Variants in TPTE observed in about 807,000 individuals in gnomAD.
TPTE encodes the protein putative tyrosine-protein phosphatase TPTE.
Under a neutral mutation model 84.1 loss-of-function variants are expected in TPTE, and 59 were observed. That is an observed-to-expected ratio of 0.70 (90% CI 0.57 to 0.87). TPTE has a LOEUF of 0.87. TPTE is among the 40% of genes least tolerant of loss of function. The pLI, the probability that TPTE is intolerant of heterozygous loss-of-function variation, is 0.00. For synonymous variants in TPTE, 130 were observed against 223.5 expected, an observed-to-expected ratio of 0.58 and a Z score of 3.73; for missense variants, 382 against 659.6, an observed-to-expected ratio of 0.58 and a Z score of 4.61.
chr21:10,552,426 AAAG>A (rs377055060), intron 7 of TPTE, among the ~76,000 whole-genome samples: 1,235 of 151,808 alleles, frequency 8.1e-3, no homozygotes, highest in African/African-American at 0.028. Flanking sequence ...CAGAGAGAGA[AAAG>A]AAGATAAAAA....
intron 7 of TPTE, among the ~76,000 whole-genome samples, chr21:10,550,407 G>A (rs1382598525): frequency 1.3e-5 from 2 of 152,302 alleles, no homozygotes; most frequent in Non-Finnish European, 2.9e-5. Flanking sequence ...TATGCAAATG[G>A]AAGCCCAAAG....
chr21:10,550,669 C>G (rs553517862), intron 7 of TPTE, among the ~76,000 whole-genome samples: 2 of 152,424 alleles, frequency 1.3e-5, no homozygotes, highest in South Asian at 4.1e-4. Context: ...CCGTATCCCA[C>G]TCTCAGCATT....
intron 19 of TPTE, among the ~76,000 whole-genome samples, chr21:10,592,938 A>G (rs2075511743): frequency 6.6e-6 from 1 of 152,310 alleles, no homozygotes; most frequent in Non-Finnish European, 1.5e-5. Flanking sequence ...GCACTTTTAC[A>G]TATCTCATTT....
intron 2 of TPTE, among the ~76,000 whole-genome samples, chr21:10,526,931 A>G (rs1390008243): frequency 6.6e-6 from 1 of 152,312 alleles, no homozygotes; most frequent in Non-Finnish European, 1.5e-5. Flanking sequence ...ACATAGCCAT[A>G]TAACTTTAAA....
At chr21:10,554,183 G>GT (rs1317518690) in intron 8 of TPTE, among the ~76,000 whole-genome samples, 1 of 152,302 alleles carries the variant, frequency 6.6e-6, no homozygotes, top group Non-Finnish European at 1.5e-5. Flanking sequence ...AACATTATTT[G>GT]TAACAGTTGT....
At chr21:10,551,311 A>G (rs1207577456) in intron 7 of TPTE, among the ~76,000 whole-genome samples, 1 of 152,294 alleles carries the variant, frequency 6.6e-6, no homozygotes, top group Non-Finnish European at 1.5e-5. Flanking sequence ...GGGGAGGGAT[A>G]GCATTAGGAG....
chr21:10,545,807 G>A (rs1454273496), intron 7 of TPTE, among the ~76,000 whole-genome samples: 1 of 151,692 alleles, frequency 6.6e-6, no homozygotes, highest in Admixed American at 6.6e-5. Flanking sequence ...ATATTTAAAT[G>A]TGTGTATATA....
chr21:10,557,844 T>G (rs571766733), intron 8 of TPTE, among the ~76,000 whole-genome samples: 1 of 152,420 alleles, frequency 6.6e-6, no homozygotes, highest in Admixed American at 6.5e-5. Context: ...ACATATTATT[T>G]CATCATCCAG....
intron 7 of TPTE, among the ~76,000 whole-genome samples, chr21:10,545,886 G>A (rs1217901703): frequency 6.6e-6 from 1 of 151,828 alleles, no homozygotes; most frequent in Non-Finnish European, 1.5e-5. Flanking sequence ...CAGTAGTCAT[G>A]TATATATCCT....
At position 10,541,093 on chromosome 21, in the gene TPTE, G is replaced by T; in HGVS notation, c.12-19G>T. The T allele has an allele frequency of 1.9e-6, 3 of 1,612,730 alleles. No homozygotes were observed. In the South Asian group the frequency reaches 3.3e-5, roughly 18 times the overall value. ...AGAATTACGCATTGGGTCTGACTCT[G>T]ACCATATTTGTCCTTTAGTCCTGAT... On this transcript the variant is annotated intron_variant, in intron 4 of 23. Transcript: ENST00000618007.
chr21:10,604,175 A>G (rs1441935067), intron 23 of TPTE, among the ~76,000 whole-genome samples: 12 of 152,418 alleles, frequency 7.9e-5, no homozygotes, highest in Non-Finnish European at 1.6e-4. Flanking sequence ...TGGCTTTCTA[A>G]TAACTGAATT....
chr21:10,570,352 C>T, intron 13 of TPTE, 133 bp from the exon 14 acceptor site: 1 of 1,486,192 alleles, frequency 6.7e-7, no homozygotes, highest in Non-Finnish European at 9.2e-7. Flanking sequence ...AGTATTAGCT[C>T]TTTTCTGTCA....
At chr21:10,523,832 C>G (rs1201225641) in intron 1 of TPTE, among the ~76,000 whole-genome samples, 1 of 152,300 alleles carries the variant, frequency 6.6e-6, no homozygotes, top group Non-Finnish European at 1.5e-5. Flanking sequence ...ATGGCTGGGT[C>G]AAATGGTATT....
chr21:10,580,754 T>A (rs2075257484), intron 17 of TPTE, among the ~76,000 whole-genome samples: 1 of 152,310 alleles, frequency 6.6e-6, no homozygotes, highest in African/African-American at 2.4e-5. Context: ...TTAAACTTTG[T>A]GAGAACCTTT....
chr21:10,561,912 T>G (rs1210006377), intron 10 of TPTE, among the ~76,000 whole-genome samples: 20 of 152,306 alleles, frequency 1.3e-4, no homozygotes, highest in African/African-American at 4.1e-4. Flanking sequence ...AAGGAGTGGT[T>G]ACAGCAGGTC....
chr21:10,557,247 T>G (rs2074702521), intron 8 of TPTE, among the ~76,000 whole-genome samples: 1 of 152,304 alleles, frequency 6.6e-6, no homozygotes, highest in Non-Finnish European at 1.5e-5. Context: ...GAACAGTACT[T>G]TTCCTGGATA....
At chr21:10,539,411 C>A (rs1257752078) in intron 4 of TPTE, among the ~76,000 whole-genome samples, 2 of 152,306 alleles carry the variant, frequency 1.3e-5, no homozygotes, top group Non-Finnish European at 2.9e-5. Flanking sequence ...ACAGGAAAGA[C>A]TAGCATGATG....
At chr21:10,583,587 G>A (rs372665367) in intron 17 of TPTE, among the ~76,000 whole-genome samples, 34 of 152,350 alleles carry the variant, frequency 2.2e-4, no homozygotes, top group South Asian at 1.9e-3. Flanking sequence ...TTGTATTACC[G>A]TCATATGTAT....
intron 1 of TPTE, among the ~76,000 whole-genome samples, chr21:10,524,140 G>A (rs879640176): frequency 5.3e-5 from 8 of 152,270 alleles, no homozygotes; most frequent in Non-Finnish European, 1.0e-4. Context: ...TTCTCAATAG[G>A]AGGTAAAGAC....
Sources: gnomAD v4.1 joint callset for allele counts (sites outside exome capture counted in the v4.1 genomes callset) on GRCh38, gnomAD v4.1.1 for gene constraint, MANE v1.5 for transcripts, NCBI Gene and HGNC (gene_info 2026-07-23, HGNC 2026-07-21) for gene names.